LSG1: variants seen among roughly 807,000 people sequenced by gnomAD.
LSG1 encodes the protein large 60S subunit nuclear export GTPase 1, also known as large subunit GTPase 1 homolog.
In LSG1, 55 loss-of-function variants were observed where a neutral mutation model predicts 82.6. That is an observed-to-expected ratio of 0.67 (90% CI 0.54 to 0.83). LSG1 has a LOEUF of 0.83. LSG1 is among the 40% of genes least tolerant of loss of function. LSG1 has a pLI of 0.00. For missense variants in LSG1, 809 were observed against 807.9 expected, an observed-to-expected ratio of 1.00 and a Z score of -0.02; for synonymous variants, 272 against 282.5, an observed-to-expected ratio of 0.96 and a Z score of 0.37.
At chr3:194,667,473 T>C (rs752887832) in intron 2 of LSG1, among the ~76,000 whole-genome samples, 3 of 152,112 alleles carry the variant, frequency 2.0e-5, no homozygotes, top group Non-Finnish European at 2.9e-5. Flanking sequence ...TACACACCCT[T>C]ACACTTCTCT....
chr3:194,648,922 A>G (rs2108616216), intron 10 of LSG1, 118 bp from the exon 11 acceptor site: 1 of 987,886 alleles, frequency 1.0e-6, no homozygotes, highest in East Asian at 2.5e-5. Context: ...TCTCCTCTCC[A>G]AAGGAAGAGG....
chr3:194,645,513 C>CACACACACACACACACACAGACAG (rs1718506147), intron 12 of LSG1: 1 of 52,192 alleles, frequency 1.9e-5, no homozygotes, highest in African/African-American at 6.2e-5. Context: ...CACACACACA[C>CACACACACACACACACACAGACAG]ACACACACAC....
intron 7 of LSG1, among the ~76,000 whole-genome samples, chr3:194,654,911 C>T (rs917600235): frequency 3.3e-5 from 5 of 152,140 alleles, no homozygotes; most frequent in Non-Finnish European, 7.4e-5. Context: ...TTTTTCAGAA[C>T]ATTCACGTTT....
At chr3:194,657,296 TCA>T (rs758617495) in intron 7 of LSG1, among the ~76,000 whole-genome samples, 19 of 151,926 alleles carry the variant, frequency 1.3e-4, no homozygotes, top group Admixed American at 2.0e-4. Context: ...ACACAAAAAT[TCA>T]CAGTTAGAAG....
intron 5 of LSG1, among the ~76,000 whole-genome samples, chr3:194,664,800 A>G (rs944156537): frequency 2.0e-5 from 3 of 151,998 alleles, no homozygotes; most frequent in Non-Finnish European, 4.4e-5. Flanking sequence ...TGCGCCTGTA[A>G]TCTCAGCCAC....
intron 8 of LSG1, 95 bp from the exon 9 acceptor site, chr3:194,651,311 A>G: frequency 1.2e-6 from 1 of 812,450 alleles, no homozygotes; most frequent in Non-Finnish European, 2.1e-6. Flanking sequence ...TAGCATAAGC[A>G]TCTGGTTACT....
rs150466864 is a variant in LSG1 at position 194,660,246 on chromosome 3, T to C, written c.522-113A>G. The stretch of plus-strand genomic sequence containing the variant: ...GGCAATATATTAAGCACTGGACATA[T>C]ATTAACTTTTTAAGGTATAATTATT... On this transcript the variant is annotated intron_variant, in intron 5 of 13. Transcript: ENST00000265245. 230 of 798,520 alleles carry C rather than the reference T, an allele frequency of 2.9e-4. 2 individuals carry two copies. The East Asian group carries it at 5.7e-3, about 20-fold the overall frequency. The allele number at this position is 798,520 out of a possible 1,614,324, so 49.5% of individuals were successfully genotyped here.
rs368970162 is a variant in LSG1, at chr3:194,662,456, ATTC to A, written c.522-2326_522-2324del. On this transcript the variant is annotated intron_variant, in intron 5 of 13. Transcript: ENST00000265245. Reference sequence around the variant, plus strand: ...CCTGCCCCTTTCCTGGCAGGAGATCATTCTTCTTTTTAAAAACTGACTGGCACT... The same window carrying A: ...CCTGCCCCTTTCCTGGCAGGAGATCATTCTTTTTAAAAACTGACTGGCACT... Among the ~76,000 whole-genome samples, 196 of 152,256 alleles carry A rather than the reference ATTC, an allele frequency of 1.3e-3. 2 individuals carry two copies. Among genetic ancestry groups the A allele is most frequent in the African/African-American group, 4.6e-3 (189 of 41,536 alleles).
At chr3:194,667,943 ATATATATATATAT>A (rs1473484890) in intron 2 of LSG1, among the ~76,000 whole-genome samples, 1 of 62,246 alleles carries the variant, frequency 1.6e-5, no homozygotes, top group Non-Finnish European at 2.7e-5. Flanking sequence ...AAAAAAAAAA[ATATATATATATAT>A]ATATATATAT....
chr3:194,652,343 A>G (rs1246032016), intron 8 of LSG1, among the ~76,000 whole-genome samples: 1 of 152,182 alleles, frequency 6.6e-6, no homozygotes, highest in East Asian at 1.9e-4. Context: ...CTCCCTATTA[A>G]GCATCTGGAA....
chr3:194,646,772 C>T (rs1439133183), intron 11 of LSG1, among the ~76,000 whole-genome samples: 1 of 152,216 alleles, frequency 6.6e-6, no homozygotes, highest in Admixed American at 6.5e-5. Context: ...CCACCCACTT[C>T]GGCCTCCCAA....
chr3:194,668,676 T>C (rs1345236308), intron 2 of LSG1, among the ~76,000 whole-genome samples: 1 of 152,192 alleles, frequency 6.6e-6, no homozygotes, highest in Non-Finnish European at 1.5e-5. Flanking sequence ...TCCTAACTCA[T>C]CTTGCTTCCT....
At chr3:194,657,403 G>A (rs942953571) in intron 7 of LSG1, among the ~76,000 whole-genome samples, 2 of 150,310 alleles carry the variant, frequency 1.3e-5, no homozygotes, top group Non-Finnish European at 3.0e-5. Context: ...CTAAGTTGAG[G>A]TAAAACAGAA....
intron 7 of LSG1, among the ~76,000 whole-genome samples, chr3:194,654,871 T>C (rs531346702): frequency 6.6e-6 from 1 of 152,234 alleles, no homozygotes; most frequent in African/African-American, 2.4e-5. Flanking sequence ...CAACTCAGAA[T>C]TGGCCTGTGT....
At chr3:194,669,162 T>C in intron 2 of LSG1, among the ~76,000 whole-genome samples, 1 of 152,166 alleles carries the variant, frequency 6.6e-6, no homozygotes, top group East Asian at 1.9e-4. Flanking sequence ...TATTAGTTAA[T>C]AATATGAAAT....
chr3:194,666,079 G>T, intron 4 of LSG1, 124 bp downstream of exon 4: 2 of 817,482 alleles, frequency 2.4e-6, no homozygotes, highest in Non-Finnish European at 2.0e-6. Flanking sequence ...GCACTTGTTA[G>T]CAGAATGCTA....
chr3:194,655,114 C>CAA (rs2108618183), intron 7 of LSG1, among the ~76,000 whole-genome samples: 1 of 152,240 alleles, frequency 6.6e-6, no homozygotes, highest in Non-Finnish European at 1.5e-5. Flanking sequence ...TTGGGAGAAG[C>CAA]AAATGGCGCC....
intron 13 of LSG1, among the ~76,000 whole-genome samples, chr3:194,643,456 C>T (rs1018549472): frequency 6.6e-6 from 1 of 152,090 alleles, no homozygotes; most frequent in Non-Finnish European, 1.5e-5. Context: ...TGACGCTCAG[C>T]ATCACTAGTA....
intron 10 of LSG1, among the ~76,000 whole-genome samples, chr3:194,649,355 C>A (rs879919160): frequency 8.5e-5 from 13 of 152,102 alleles, no homozygotes; most frequent in Non-Finnish European, 1.6e-4. Flanking sequence ...AGGCTACCTG[C>A]AATAAATGAT....
Sources: gnomAD v4.1 joint callset for allele counts (sites outside exome capture counted in the v4.1 genomes callset) on GRCh38, gnomAD v4.1.1 for gene constraint, MANE v1.5 for transcripts, NCBI Gene and HGNC (gene_info 2026-07-23, HGNC 2026-07-21) for gene names.